OR51E1: variants seen among roughly 807,000 people sequenced by gnomAD.
The protein encoded by OR51E1 is olfactory receptor 51E1.
Under a neutral mutation model 11.5 loss-of-function variants are expected in OR51E1, and 9 were observed. That is an observed-to-expected ratio of 0.78 (90% CI 0.47 to 1.37). OR51E1 has a LOEUF of 1.37. Ranked by LOEUF, OR51E1 falls within the 40% of genes most tolerant of loss-of-function variation. The pLI is 0.00. For missense variants in OR51E1, 397 were observed against 410.2 expected (o/e 0.97, Z 0.28); for synonymous variants, 168 against 158.3 (o/e 1.06, Z -0.46).
At chr11:4,649,778 C>A (rs558059519) in intron 1 of OR51E1, among the ~76,000 whole-genome samples, 1 of 152,218 alleles carries the variant, frequency 6.6e-6, no homozygotes, top group Admixed American at 6.5e-5. Context: ...TGGTTAACAG[C>A]AACAGATATT....
chr11:4,650,589 C>T (rs1847082643), intron 1 of OR51E1, among the ~76,000 whole-genome samples: 1 of 152,138 alleles, frequency 6.6e-6, no homozygotes, highest in South Asian at 2.1e-4. Context: ...CTCTGGGTGA[C>T]CGCTTGATGC....
At chr11:4,647,906 T>C (rs1486695071) in intron 1 of OR51E1, among the ~76,000 whole-genome samples, 1 of 152,152 alleles carries the variant, frequency 6.6e-6, no homozygotes, top group Non-Finnish European at 1.5e-5. Flanking sequence ...AATAATTTAG[T>C]TCCAAGTTCC....
rs1190029762 is a variant in OR51E1 at position 4,644,033 on chromosome 11, G to T, written c.-40+3G>T. 3 of 153,014 alleles carry T rather than the reference G, an allele frequency of 2.0e-5. No individual in the cohort carries two copies. Among genetic ancestry groups the T allele is most frequent in the Non-Finnish European group, 4.4e-5 (3 of 68,244 alleles). The allele number at this position is 153,014 out of a possible 1,614,324, so 9.5% of individuals were successfully genotyped here. ...CACATTCCTTCCATACGGTTGAGGTGAGTGCAGGAGGCCAGGGGCATGTCC... is the reference window on the plus strand; with the variant it reads ...CACATTCCTTCCATACGGTTGAGGTTAGTGCAGGAGGCCAGGGGCATGTCC... On this transcript the variant is annotated splice_donor_region_variant and intron_variant, in intron 1 of 1. Transcript: ENST00000396952.
intron 1 of OR51E1, among the ~76,000 whole-genome samples, chr11:4,647,172 T>C (rs1847039935): frequency 6.6e-6 from 1 of 152,212 alleles, no homozygotes; most frequent in Non-Finnish European, 1.5e-5. Context: ...TTTATACAGA[T>C]GGCACTGTAT....
In OR51E1 at chr11:4,654,939, A is replaced by G. The variant is rs570520409; in HGVS notation, c.*1456A>G. 2.4e-5 allele frequency: 4 copies of G among 167,166 alleles called. No individual in the cohort carries two copies. The East Asian group carries it at 7.7e-4, about 32-fold the overall frequency. 10.4% of individuals were successfully genotyped at this position (167,166 alleles called of 1,614,324 possible). A position where few individuals can be genotyped will look rare whatever the true frequency, so the allele number is the denominator to read the frequency against. On this transcript the variant is annotated 3_prime_UTR_variant, in exon 2 of 2. Coordinates refer to ENST00000396952, the MANE Select transcript of OR51E1 (RefSeq NM_152430.4). ...GTTCCCTGATATGGATTCCTATAAC[A>G]TGCTTTCATCCCCTTTTGTAATGGA...
At chr11:4,649,365 G>T (rs1181164530) in intron 1 of OR51E1, among the ~76,000 whole-genome samples, 1 of 152,080 alleles carries the variant, frequency 6.6e-6, no homozygotes, top group African/African-American at 2.4e-5. Context: ...AGGAAGATCT[G>T]GGAGGAACAG....
Position 4,654,082 on chromosome 11 carries a change from A to G in OR51E1, c.*599A>G, listed in dbSNP as rs937223615. On this transcript the variant is annotated 3_prime_UTR_variant, in exon 2 of 2. Transcript: ENST00000396952. The stretch of plus-strand genomic sequence containing the variant: ...TTCTGAGAGTTTTCACAGCATATGG[A>G]CCCTGTTTTTCCTATTTAATTTTCT... The G allele has an allele frequency of 6.0e-6, 1 of 166,744 alleles. No homozygotes were observed. The highest frequency in any genetic ancestry group is 2.4e-5 in the African/African-American group (1 of 41,440). 10.3% of individuals were successfully genotyped at this position (166,744 alleles called of 1,614,324 possible).
Position 4,652,668 on chromosome 11 carries a change from A to G in OR51E1, c.142A>G (p.Ile48Val). 1.9e-6 allele frequency: 3 copies of G among 1,614,134 alleles called. No individual in the cohort carries two copies. The highest frequency in any genetic ancestry group is 2.5e-6 in the Non-Finnish European group (3 of 1,180,008). The change falls in exon 2 of 2, where the codon ATC (isoleucine) becomes GTC (valine). Residue 48 changes from isoleucine (I) to valine (V), a missense_variant. Ile to Val is a conservative substitution (Grantham distance 29, BLOSUM62 3). Transcript: ENST00000396952. ...YLIAVLGNLT[I>V]IYIVRTEHSL... ...TATTGCTGTGCTAGGTAACTTGACA[A>G]TCATCTACATTGTGCGGACTGAGCA...
chr11:4,651,162 G>C (rs1265405599), intron 1 of OR51E1, among the ~76,000 whole-genome samples: 1 of 152,168 alleles, frequency 6.6e-6, no homozygotes, highest in Non-Finnish European at 1.5e-5. Flanking sequence ...GATTCAGTTT[G>C]TTTGCAGACT....
At chr11:4,648,570 T>A (rs1040208873) in intron 1 of OR51E1, among the ~76,000 whole-genome samples, 3 of 152,220 alleles carry the variant, frequency 2.0e-5, no homozygotes, top group Non-Finnish European at 4.4e-5. Context: ...ACCACATCAC[T>A]CTACCTTCAG....
At chr11:4,645,568 C>G (rs1847021349) in intron 1 of OR51E1, among the ~76,000 whole-genome samples, 1 of 152,168 alleles carries the variant, frequency 6.6e-6, no homozygotes, top group Admixed American at 6.5e-5. Flanking sequence ...GCACAGAAGT[C>G]CGTCAATGAT....
chr11:4,651,106 G>A (rs1238425735), intron 1 of OR51E1, among the ~76,000 whole-genome samples: 2 of 152,174 alleles, frequency 1.3e-5, no homozygotes, highest in Non-Finnish European at 2.9e-5. Flanking sequence ...GATGACCCAA[G>A]TCTGACATTT....
chr11:4,651,508 A>G (rs1175373884), intron 1 of OR51E1, among the ~76,000 whole-genome samples: 1 of 152,212 alleles, frequency 6.6e-6, no homozygotes, highest in Non-Finnish European at 1.5e-5. Flanking sequence ...CACCTTTGGT[A>G]CCCCTTATGT....
rs370898634 is a variant in OR51E1 at position 4,653,151 on chromosome 11, G to A, written c.625G>A (p.Ala209Thr). The A allele has an allele frequency of 1.2e-5, 20 of 1,613,704 alleles. No homozygotes were observed. The highest frequency in any genetic ancestry group is 4.0e-5 in the African/African-American group (3 of 74,868). ...VVYGLIVIIS[A>T]IGLDSLLISF... ...CTATGGCCTTATCGTCATCATCTCCGCCATTGGCCTGGACTCACTTCTCAT... is the reference window on the plus strand; with the variant it reads ...CTATGGCCTTATCGTCATCATCTCCACCATTGGCCTGGACTCACTTCTCAT... The change falls in exon 2 of 2, where the codon GCC (alanine) becomes ACC (threonine). Residue 209 changes from alanine (A) to threonine (T), a missense_variant. Ala to Thr is a moderately conservative substitution (Grantham distance 58). Transcript: ENST00000396952.
chr11:4,646,172 A>G (rs141236353), intron 1 of OR51E1, among the ~76,000 whole-genome samples: 159 of 152,218 alleles, frequency 1.0e-3, no homozygotes, highest in African/African-American at 3.7e-3. Flanking sequence ...TCTTTTCTAA[A>G]TATTCCCAGA....
Position 4,652,962 on chromosome 11 carries a change from A to C in OR51E1, c.436A>C (p.Lys146Gln), listed in dbSNP as rs1349076535. 6.2e-7 allele frequency: 1 copy of C among 1,605,822 alleles called. No homozygotes were observed. The highest frequency in any genetic ancestry group is 8.5e-7 in the Non-Finnish European group (1 of 1,175,430). ...ATVLTLPRVTKIGVAAVVRGA... is the reference protein window; with the variant it reads ...ATVLTLPRVTQIGVAAVVRGA... ...AGTACTTACGTTGCCTCGTGTCACC[A>C]AAATTGGTGTGGCTGCTGTGGTGCG... The change falls in exon 2 of 2, where the codon AAA (lysine) becomes CAA (glutamine). Residue 146 changes from lysine to glutamine, a missense_variant. Transcript: ENST00000396952.
rs1047048102 is a variant in OR51E1 at position 4,653,470 on chromosome 11, C to T, written c.944C>T (p.Ala315Val). The change falls in exon 2 of 2, where the codon GCT (alanine) becomes GTT (valine). Residue 315 changes from alanine (A) to valine (V), a missense_variant. Transcript: ENST00000396952. Reference protein sequence around the residue: ...ILRLFHVATHASEP With the variant: ...ILRLFHVATHVSEP Reference sequence around the variant, plus strand: ...CGACTTTTCCATGTGGCCACACACGCTTCAGAGCCCTAGGTGTCAGTGATC... The same window carrying T: ...CGACTTTTCCATGTGGCCACACACGTTTCAGAGCCCTAGGTGTCAGTGATC... 7 of 1,599,742 alleles carry T rather than the reference C, an allele frequency of 4.4e-6. No homozygotes were observed. The highest frequency in any genetic ancestry group is 6.0e-6 in the Non-Finnish European group (7 of 1,167,786).
At chr11:4,649,370 G>A (rs1847066487) in intron 1 of OR51E1, among the ~76,000 whole-genome samples, 1 of 152,052 alleles carries the variant, frequency 6.6e-6, no homozygotes. Context: ...GATCTGGGAG[G>A]AACAGTTTTT....
In OR51E1 at chr11:4,653,473, C is replaced by T; in HGVS notation, c.947C>T (p.Ser316Leu). ...LRLFHVATHA[S>L]EP ...CTTTTCCATGTGGCCACACACGCTT[C>T]AGAGCCCTAGGTGTCAGTGATCAAA... Residue 316 changes from serine to leucine, a missense_variant, in exon 2 of 2, where the codon TCA becomes TTA. Physicochemically the swap from Ser to Leu is moderately radical, Grantham distance 145. Coordinates refer to ENST00000396952, the MANE Select transcript of OR51E1 (RefSeq NM_152430.4). 6.3e-7 allele frequency: 1 copy of T among 1,599,400 alleles called. No individual in the cohort carries two copies. Among genetic ancestry groups the T allele is most frequent in the Non-Finnish European group, 8.6e-7 (1 of 1,167,360 alleles).
Sources: allele counts gnomAD v4.1 joint callset (sites outside exome capture counted in the v4.1 genomes callset), GRCh38; gene constraint gnomAD v4.1.1; transcripts MANE v1.5; gene names NCBI Gene and HGNC (gene_info 2026-07-23, HGNC 2026-07-21).